Variants in RAPGEF2 observed in about 807,000 individuals in gnomAD.
The protein encoded by RAPGEF2 is Rap guanine nucleotide exchange factor 2, also known as PDZ domain containing guanine nucleotide exchange factor (GEF) 1.
Under a neutral mutation model 186.7 loss-of-function variants are expected in RAPGEF2, and 54 were observed. That is an observed-to-expected ratio of 0.29 (90% CI 0.23 to 0.36). The LOEUF is 0.36. Ranked by LOEUF, RAPGEF2 falls within the 10% of genes least tolerant of loss-of-function variation. The probability of loss-of-function intolerance (pLI) is 1.00; values close to 1 mark genes in which losing one functional copy is unlikely to be tolerated. For synonymous variants in RAPGEF2, 712 were observed against 705.9 expected (o/e 1.01, Z -0.14); for missense variants, 1,532 against 2,045.0 (o/e 0.75, Z 4.84).
At chr4:159,339,085 C>A (rs542158992) in intron 18 of RAPGEF2, 29 bp from the exon 19 acceptor site, 1 of 1,605,954 alleles carries the variant, frequency 6.2e-7, no homozygotes, top group Non-Finnish European at 8.5e-7. Context: ...ATTCTTTCTA[C>A]TTATGTGTGT....
intron 7 of RAPGEF2, among the ~76,000 whole-genome samples, chr4:159,264,193 A>G (rs560067532): frequency 6.6e-6 from 1 of 152,192 alleles, no homozygotes; most frequent in Admixed American, 6.5e-5. Flanking sequence ...CATACAAGAT[A>G]GTGTGGATAA....
intron 20 of RAPGEF2, among the ~76,000 whole-genome samples, chr4:159,342,568 T>TTATA (rs1729664974): frequency 4.8e-5 from 6 of 124,182 alleles, no homozygotes; most frequent in African/African-American, 1.7e-4. Context: ...TTTATTTTAT[T>TTATA]TTATTTTATT....
intron 17 of RAPGEF2, among the ~76,000 whole-genome samples, chr4:159,333,901 C>T (rs920715266): frequency 2.1e-4 from 32 of 152,250 alleles, no homozygotes; most frequent in African/African-American, 6.5e-4. Flanking sequence ...TAAAAAAATT[C>T]CGTTTCAGAT....
rs184396964 is a variant in RAPGEF2 at position 159,276,993 on chromosome 4, A to C, written c.544-27349A>C. ...CAACGTGCAGGTTTGTTACATATGT[A>C]TACATGTGTCATATTGGTGTGCTGC... is the stretch of plus-strand genomic sequence containing the variant. On this transcript the variant is annotated intron_variant, in intron 7 of 29. Transcript: ENST00000691494. Among the ~76,000 whole-genome samples, 12 of 152,288 alleles carry C rather than the reference A, an allele frequency of 7.9e-5. No homozygotes were observed. In the East Asian group the frequency reaches 2.3e-3, roughly 29 times the overall value.
At chr4:159,188,164 AATT>A (rs919179702) in intron 2 of RAPGEF2, among the ~76,000 whole-genome samples, 4 of 152,198 alleles carry the variant, frequency 2.6e-5, no homozygotes, top group Middle Eastern at 3.2e-3. Context: ...TTGTACTAAC[AATT>A]ATTTAATTGC....
intron 3 of RAPGEF2, 47 bp downstream of exon 3, chr4:159,193,303 A>C: frequency 1.6e-6 from 2 of 1,231,942 alleles, no homozygotes; most frequent in Non-Finnish European, 1.1e-6. Context: ...TCCAGTGACT[A>C]AATTTTCTTA....
intron 25 of RAPGEF2, 132 bp downstream of exon 25, chr4:159,347,130 A>ATT: frequency 1.2e-6 from 1 of 853,320 alleles, no homozygotes; most frequent in Non-Finnish European, 1.8e-6. Context: ...GCTCCTAATA[A>ATT]AACATGAACA....
At chr4:159,261,812 T>G (rs1756908001) in intron 7 of RAPGEF2, among the ~76,000 whole-genome samples, 1 of 152,210 alleles carries the variant, frequency 6.6e-6, no homozygotes, top group Non-Finnish European at 1.5e-5. Context: ...TTGCTCTGTT[T>G]TATAGATAAC....
intron 7 of RAPGEF2, chr4:159,267,807 T>TC (rs1233911633): frequency 7.9e-6 from 8 of 1,010,068 alleles, no homozygotes; most frequent in Non-Finnish European, 8.3e-6. Context: ...TTTTTTTTTT[T>TC]CCTCTCCTTT....
chr4:159,267,235 A>G, intron 7 of RAPGEF2: 1 of 1,289,218 alleles, frequency 7.8e-7, no homozygotes, highest in Non-Finnish European at 1.0e-6. Context: ...TATTTAGAAA[A>G]GGAAGCTTTC....
At chr4:159,157,973 A>G (rs1270685320) in intron 1 of RAPGEF2, among the ~76,000 whole-genome samples, 1 of 152,164 alleles carries the variant, frequency 6.6e-6, no homozygotes, top group African/African-American at 2.4e-5. Flanking sequence ...AGCCAGGTGT[A>G]GTAAATGTCT....
intron 1 of RAPGEF2, among the ~76,000 whole-genome samples, chr4:159,173,873 T>G (rs1195010009): frequency 6.6e-6 from 1 of 152,246 alleles, no homozygotes; most frequent in Non-Finnish European, 1.5e-5. Flanking sequence ...AATTAAAATT[T>G]GACTACAAAT....
intron 7 of RAPGEF2, among the ~76,000 whole-genome samples, chr4:159,255,731 C>T (rs538824936): frequency 1.9e-4 from 29 of 152,172 alleles, no homozygotes; most frequent in African/African-American, 6.7e-4. Context: ...TTCTTCCATA[C>T]TGTGTTTTTA....
intron 4 of RAPGEF2, among the ~76,000 whole-genome samples, chr4:159,237,310 C>T (rs1362215590): frequency 1.3e-5 from 2 of 152,104 alleles, no homozygotes; most frequent in African/African-American, 2.4e-5. Context: ...CAGGTGCCAT[C>T]GCGCGTGGCC....
chr4:159,179,804 C>T (rs1746824423), intron 1 of RAPGEF2, among the ~76,000 whole-genome samples: 3 of 152,296 alleles, frequency 2.0e-5, no homozygotes, highest in South Asian at 4.1e-4. Context: ...CCCTAAATCT[C>T]CTCCCTTACA....
At chr4:159,354,121 A>T in intron 28 of RAPGEF2, 75 bp downstream of exon 28, 1 of 1,387,756 alleles carries the variant, frequency 7.2e-7, no homozygotes, top group Non-Finnish European at 9.7e-7. Context: ...TAGTAAAATT[A>T]TGTGTTTGTT....
intron 17 of RAPGEF2, among the ~76,000 whole-genome samples, chr4:159,337,911 A>AC (rs1249570854): frequency 5.2e-5 from 7 of 135,002 alleles, no homozygotes; most frequent in African/African-American, 2.0e-4. Context: ...AAAAAAAAAA[A>AC]AAGAAAGAAA....
chr4:159,340,667 CCACACACACACACACACA>C (rs3071283), intron 19 of RAPGEF2, among the ~76,000 whole-genome samples: 41 of 76,864 alleles, frequency 5.3e-4, no homozygotes, highest in South Asian at 5.1e-3. Context: ...ACCACCATCA[CCACACACACACACACACA>C]CACACACACA....
intron 1 of RAPGEF2, among the ~76,000 whole-genome samples, chr4:159,124,533 C>T (rs1740069522): frequency 6.6e-6 from 1 of 151,824 alleles, no homozygotes; most frequent in African/African-American, 2.4e-5. Flanking sequence ...AGCTAGATAC[C>T]GTCTAAAAGA....
Sources: allele counts gnomAD v4.1 joint callset (sites outside exome capture counted in the v4.1 genomes callset), GRCh38; gene constraint gnomAD v4.1.1; transcripts MANE v1.5; gene names NCBI Gene and HGNC (gene_info 2026-07-23, HGNC 2026-07-21).